PTGR2: variants seen among roughly 807,000 people sequenced by gnomAD.
The protein encoded by PTGR2 is prostaglandin reductase 2.
PTGR2 carries 32 observed loss-of-function variants against 43.4 expected under a neutral mutation model. That is an observed-to-expected ratio of 0.74 (90% CI 0.56 to 0.99). The LOEUF (loss-of-function observed/expected upper bound fraction) is 0.99, where lower values mean the gene tolerates loss of function less well. PTGR2 is among the 50% of genes least tolerant of loss of function. PTGR2 has a pLI of 0.00. For synonymous variants in PTGR2, 106 were observed against 139.2 expected, an observed-to-expected ratio of 0.76 and a Z score of 1.68; for missense variants, 373 against 420.0, an observed-to-expected ratio of 0.89 and a Z score of 0.98.
At chr14:73,860,097 T>G (rs2054453699) in intron 2 of PTGR2, among the ~76,000 whole-genome samples, 1 of 151,974 alleles carries the variant, frequency 6.6e-6, no homozygotes. Context: ...TCCACCTGTT[T>G]CAGCCTCCCA....
chr14:73,855,596 C>T (rs940786588), intron 1 of PTGR2, among the ~76,000 whole-genome samples: 6 of 151,692 alleles, frequency 4.0e-5, no homozygotes, highest in Non-Finnish European at 7.4e-5. Context: ...CAGGCGTGCA[C>T]CACCATGCCT....
chr14:73,883,188 C>CTTTT (rs58234739), intron 9 of PTGR2, among the ~76,000 whole-genome samples: 932 of 58,118 alleles, frequency 0.016, 92 homozygotes, highest in East Asian at 0.043. Context: ...CCTCACCTCC[C>CTTTT]TTTTTTTTTT....
intron 1 of PTGR2, among the ~76,000 whole-genome samples, chr14:73,852,933 C>CT (rs1226767462): frequency 6.6e-6 from 1 of 152,118 alleles, no homozygotes; most frequent in Non-Finnish European, 1.5e-5. Context: ...TCAGGCAGTT[C>CT]TCCAGCTTCA....
At chr14:73,869,573 CA>C (rs34798468) in intron 3 of PTGR2, among the ~76,000 whole-genome samples, 21,654 of 101,052 alleles carry the variant, frequency 0.21, 1,872 homozygotes, top group East Asian at 0.39. Flanking sequence ...GACCGTGCCT[CA>C]AAAAAAAAAA....
In PTGR2 at chr14:73,865,898, C is replaced by T. The variant is rs1204229419; in HGVS notation, c.156+5241C>T. ...AGGGTTTATTTCTGGACTTTCAACT[C>T]TATTCTAGCAATCTGTATATCTGTC... is the stretch of plus-strand genomic sequence containing the variant. On this transcript the variant is annotated intron_variant, in intron 3 of 9. Coordinates refer to ENST00000555661, the MANE Select transcript of PTGR2 (RefSeq NM_001146154.2). Among the ~76,000 whole-genome samples, 9 of 152,194 alleles carry T rather than the reference C, an allele frequency of 5.9e-5. No individual in the cohort carries two copies. In the East Asian group the frequency reaches 1.5e-3, roughly 26 times the overall value.
chr14:73,875,349 A>AT (rs973792453), intron 4 of PTGR2, among the ~76,000 whole-genome samples: 122 of 141,120 alleles, frequency 8.6e-4, no homozygotes, highest in African/African-American at 1.6e-3. Context: ...GTTTGAGTTG[A>AT]TTTTTTTTTT....
chr14:73,865,872 G>A (rs188768194), intron 3 of PTGR2, among the ~76,000 whole-genome samples: 1 of 152,240 alleles, frequency 6.6e-6, no homozygotes, highest in Admixed American at 6.5e-5. Flanking sequence ...CCATAAATAT[G>A]AGGGTTTATT....
intron 5 of PTGR2, chr14:73,878,613 G>T: frequency 2.1e-6 from 1 of 466,002 alleles, no homozygotes; most frequent in Non-Finnish European, 4.2e-6. Flanking sequence ...GCCACCGTAT[G>T]TGGCTGAACA....
intron 1 of PTGR2, among the ~76,000 whole-genome samples, chr14:73,854,278 T>C (rs1195541583): frequency 5.9e-5 from 9 of 152,010 alleles, no homozygotes; most frequent in Non-Finnish European, 1.3e-4. Context: ...AATTTTTGTA[T>C]TTTTAGTAGG....
In PTGR2 at chr14:73,884,269, C is replaced by G. The variant is rs1244532323; in HGVS notation, c.*92C>G. On this transcript the variant is annotated 3_prime_UTR_variant, in exon 10 of 10. Transcript: ENST00000555661. Reference sequence around the variant, plus strand: ...TAAAAAATCCTTAGACTATACATAGCTCTTGATTTAAATGTGATCATAGGT... The same window carrying G: ...TAAAAAATCCTTAGACTATACATAGGTCTTGATTTAAATGTGATCATAGGT... 2 of 765,304 alleles carry G rather than the reference C, an allele frequency of 2.6e-6. No individual in the cohort carries two copies. Among genetic ancestry groups the G allele is most frequent in the African/African-American group, 3.5e-5 (2 of 56,884 alleles). The allele number at this position is 765,304 out of a possible 1,614,324, so 47.4% of individuals were successfully genotyped here.
rs2055009899 is a variant in PTGR2, at chr14:73,882,358, G to T, written c.940-41G>T. The T allele has an allele frequency of 6.6e-6, 8 of 1,215,350 alleles. No individual in the cohort carries two copies. In the East Asian group the frequency reaches 1.9e-4, roughly 28 times the overall value. 75.3% of individuals were successfully genotyped at this position (1,215,350 alleles called of 1,614,324 possible). ...ATGGAAACTATCATATAGAAACATT[G>T]AAGTTTAAAGACTATTAAATCTAGC... On this transcript the variant is annotated intron_variant, in intron 8 of 9. Coordinates refer to ENST00000555661, the MANE Select transcript of PTGR2 (RefSeq NM_001146154.2).
At chr14:73,857,670 T>TTTC in intron 1 of PTGR2, among the ~76,000 whole-genome samples, 1 of 115,876 alleles carries the variant, frequency 8.6e-6, no homozygotes, top group African/African-American at 3.1e-5. Flanking sequence ...TAGTGTTTTT[T>TTTC]TTTTTTTTTT....
At chr14:73,874,293 G>A (rs2054805500) in intron 4 of PTGR2, 79 bp downstream of exon 4, 4 of 1,141,686 alleles carry the variant, frequency 3.5e-6, no homozygotes, top group Non-Finnish European at 5.0e-6. Flanking sequence ...AGTTGTGTTT[G>A]TAATCAGGGA....
At position 73,879,945 on chromosome 14, in the gene PTGR2, C is replaced by T. The variant is rs191429727; in HGVS notation, c.730-110C>T. 7.2e-5 allele frequency: 75 copies of T among 1,038,102 alleles called. 1 individual carries two copies. Among genetic ancestry groups the T allele is most frequent in the South Asian group, 2.1e-4 (13 of 62,944 alleles). The allele number at this position is 1,038,102 out of a possible 1,614,324, so 64.3% of individuals were successfully genotyped here. A position where few individuals can be genotyped will look rare whatever the true frequency, so the allele number is the denominator to read the frequency against. The stretch of plus-strand genomic sequence containing the variant: ...CTAACAGGTAAATTAAAAAAAAAAT[C>T]GAACTAGTTGACAGAAAGGATTAAA... On this transcript the variant is annotated intron_variant, in intron 6 of 9. Transcript: ENST00000555661.
At chr14:73,863,772 C>G (rs1318775899) in intron 3 of PTGR2, among the ~76,000 whole-genome samples, 4 of 151,998 alleles carry the variant, frequency 2.6e-5, no homozygotes, top group Admixed American at 2.0e-4. Context: ...TGCACCACCA[C>G]ACCCAGCTAA....
intron 3 of PTGR2, among the ~76,000 whole-genome samples, chr14:73,870,844 ATTCTG>A (rs2054710517): frequency 2.0e-5 from 3 of 152,166 alleles, no homozygotes. Flanking sequence ...GGTTAATAAC[ATTCTG>A]TTCTGTTGAC....
At chr14:73,870,980 CT>C (rs888903806) in intron 3 of PTGR2, among the ~76,000 whole-genome samples, 5 of 152,144 alleles carry the variant, frequency 3.3e-5, no homozygotes, top group African/African-American at 1.2e-4. Context: ...TCCAAGGTGT[CT>C]TTTTGTATTC....
intron 3 of PTGR2, among the ~76,000 whole-genome samples, chr14:73,867,082 CT>C (rs1406684230): frequency 1.0e-5 from 1 of 100,012 alleles, no homozygotes; most frequent in Non-Finnish European, 1.9e-5. Flanking sequence ...GAGCAAGACT[CT>C]GTCTCAAAAA....
At chr14:73,862,565 A>C (rs769653624) in intron 3 of PTGR2, among the ~76,000 whole-genome samples, 3 of 152,206 alleles carry the variant, frequency 2.0e-5, no homozygotes, top group Non-Finnish European at 2.9e-5. Flanking sequence ...GAAGTGAAAG[A>C]GTGCCCGTAC....
Sources: gnomAD v4.1 joint callset for allele counts (sites outside exome capture counted in the v4.1 genomes callset) on GRCh38, gnomAD v4.1.1 for gene constraint, MANE v1.5 for transcripts, NCBI Gene and HGNC (gene_info 2026-07-23, HGNC 2026-07-21) for gene names.